The following RPH3A variants were observed in gnomAD, a reference collection of about 807,000 sequenced individuals.
RPH3A encodes rabphilin-3A.
Under a neutral mutation model 102.2 loss-of-function variants are expected in RPH3A, and 48 were observed. The observed-to-expected ratio is 0.47, with a 90% confidence interval of 0.37 to 0.60. The LOEUF (loss-of-function observed/expected upper bound fraction) is 0.60. Ranked by LOEUF, RPH3A falls within the 20% of genes least tolerant of loss-of-function variation. The pLI is 0.00. For missense variants in RPH3A, 781 were observed against 910.1 expected (o/e 0.86, Z 1.83); for synonymous variants, 310 against 324.3 (o/e 0.96, Z 0.47).
At chr12:112,735,296 AC>A (rs1343489326) in intron 1 of RPH3A, among the ~76,000 whole-genome samples, 1 of 152,206 alleles carries the variant, frequency 6.6e-6, no homozygotes, top group Non-Finnish European at 1.5e-5. Flanking sequence ...TTCCACTGGG[AC>A]CCTAAAGCAC....
At position 112,603,362 on chromosome 12, in the gene RPH3A, A is replaced by C. The variant is rs1592902435; in HGVS notation, c.-140+28043A>C. Among the ~76,000 whole-genome samples, 9 of 152,314 alleles carry C rather than the reference A, an allele frequency of 5.9e-5. No individual in the cohort carries two copies. The South Asian group carries it at 1.9e-3, about 32-fold the overall frequency. On this transcript the variant is annotated intron_variant, in intron 1 of 21. Coordinates refer to the RPH3A transcript ENST00000543106. ...CCAAGAGCGAGTTCTTGAATCTAGC[A>C]CAAGAAAGAATTCTGGGTGAGTCCA...
chr12:112,719,688 G>A (rs2040538859), intron 1 of RPH3A, among the ~76,000 whole-genome samples: 2 of 147,546 alleles, frequency 1.4e-5, no homozygotes, highest in Non-Finnish European at 3.0e-5. Context: ...ATACAAGAAT[G>A]GCATGCAATA....
intron 1 of RPH3A, among the ~76,000 whole-genome samples, chr12:112,776,884 A>C (rs1305820351): frequency 0.66 from 55,964 of 84,898 alleles, 20,865 homozygotes; most frequent in Non-Finnish European, 0.72. Context: ...AAAAAAAAAA[A>C]AAAAAAAAAA....
At chr12:112,887,702 A>G in intron 16 of RPH3A, 95 bp from the exon 17 acceptor site, 1 of 1,311,536 alleles carries the variant, frequency 7.6e-7, no homozygotes, top group Non-Finnish European at 1.1e-6. Context: ...CATACATTAC[A>G]CATTCCTTAC....
chr12:112,838,257 G>T (rs914088600), intron 4 of RPH3A, among the ~76,000 whole-genome samples: 3 of 152,234 alleles, frequency 2.0e-5, no homozygotes, highest in African/African-American at 7.2e-5. Context: ...CATCTGCCAA[G>T]CCCAACTGTG....
intron 13 of RPH3A, among the ~76,000 whole-genome samples, chr12:112,877,572 T>C (rs1001467556): frequency 6.6e-6 from 1 of 152,052 alleles, no homozygotes; most frequent in African/African-American, 2.4e-5. Context: ...GTGGGGACAT[T>C]ACCAGTTGTT....
At chr12:112,748,430 C>G (rs1046457644) in intron 1 of RPH3A, among the ~76,000 whole-genome samples, 1 of 152,130 alleles carries the variant, frequency 6.6e-6, no homozygotes, top group Non-Finnish European at 1.5e-5. Flanking sequence ...AACTCATGGA[C>G]TCAAGGGATC....
chr12:112,850,244 T>G (rs2042301778), intron 5 of RPH3A, among the ~76,000 whole-genome samples: 1 of 152,190 alleles, frequency 6.6e-6, no homozygotes, highest in Admixed American at 6.5e-5. Flanking sequence ...AGTGAGTATT[T>G]AATTAGCATG....
chr12:112,811,476 A>T lies in RPH3A; in HGVS notation c.-18-16825A>T, dbSNP rs142703927. Reference sequence around the variant, plus strand: ...GCTTGAGGGCCATTTTTAAACAGCAAAATTACCAACAAAAAGTGCAAAAAT... The same window carrying T: ...GCTTGAGGGCCATTTTTAAACAGCATAATTACCAACAAAAAGTGCAAAAAT... On this transcript the variant is annotated intron_variant, in intron 2 of 21. Transcript: ENST00000389385. Among the ~76,000 whole-genome samples the T allele has an allele frequency of 4.2e-4, 64 of 152,258 alleles. 1 individual carries two copies. Among genetic ancestry groups the T allele is most frequent in the African/African-American group, 1.4e-3 (57 of 41,532 alleles).
chr12:112,738,768 C>A (rs1234200237), intron 1 of RPH3A, among the ~76,000 whole-genome samples: 1 of 152,200 alleles, frequency 6.6e-6, no homozygotes. Flanking sequence ...CCATGCTGAA[C>A]TTGTGCCCAT....
chr12:112,876,703 C>T lies in RPH3A; in HGVS notation c.1008C>T (p.Val336=), dbSNP rs769414173. The T allele has an allele frequency of 3.0e-5, 49 of 1,613,474 alleles. No homozygotes were observed. Among genetic ancestry groups the T allele is most frequent in the African/African-American group, 6.7e-5 (5 of 74,970 alleles). The change falls in exon 13 of 22, where the codon GTC becomes GTT. Residue 336 remains valine, a synonymous_variant. Coordinates refer to ENST00000389385, the MANE Select transcript of RPH3A (RefSeq NM_001143854.2). ...CCCGAGAGGAGAGAACAGGGGGAGT[C>T]GGGGGCTACCCAGCAGTTGGAGCCA... ...APPREERTGG[V]GGYPAVGARE... is the part of the protein sequence containing the mutation.
intron 1 of RPH3A, among the ~76,000 whole-genome samples, chr12:112,677,415 C>CTCCTTCCTTCCTTCCTTCCTTCCT (rs879603208): frequency 3.0e-5 from 1 of 33,242 alleles, no homozygotes; most frequent in Non-Finnish European, 5.6e-5. Context: ...CCCTCCTTCC[C>CTCCTTCCTTCCTTCCTTCCTTCCT]TCCTTCCTTC....
chr12:112,673,563 T>C (rs916376587), intron 1 of RPH3A, among the ~76,000 whole-genome samples: 3 of 151,904 alleles, frequency 2.0e-5, no homozygotes, highest in Non-Finnish European at 1.5e-5. Context: ...CGTGGGTACA[T>C]AGTAGGTGTG....
At chr12:112,679,737 C>T (rs757293391) in intron 1 of RPH3A, among the ~76,000 whole-genome samples, 3 of 152,162 alleles carry the variant, frequency 2.0e-5, no homozygotes, top group Non-Finnish European at 4.4e-5. Context: ...ACTTACCAGA[C>T]TTTTAATGAG....
chr12:112,798,081 A>G lies in RPH3A; in HGVS notation c.-19+5818A>G, dbSNP rs1448968866. On this transcript the variant is annotated intron_variant, in intron 2 of 21. Transcript: ENST00000389385. ...CTGAGGGCCCAGGCTGCTGTATGCA[A>G]TGTCACTGTGGTTTCCTCGAAGTAA... is the stretch of plus-strand genomic sequence containing the variant. Among the ~76,000 whole-genome samples, 3 of 152,214 alleles carry G rather than the reference A, an allele frequency of 2.0e-5. No homozygotes were observed. In the East Asian group the frequency reaches 5.8e-4, roughly 29 times the overall value.
intron 1 of RPH3A, among the ~76,000 whole-genome samples, chr12:112,780,252 G>C (rs2040998523): frequency 6.6e-6 from 1 of 152,102 alleles, no homozygotes; most frequent in South Asian, 2.1e-4. Context: ...TTACATGGAT[G>C]TATTGCATTA....
intron 1 of RPH3A, among the ~76,000 whole-genome samples, chr12:112,685,501 C>G (rs570822384): frequency 1.3e-5 from 2 of 152,308 alleles, no homozygotes; most frequent in South Asian, 4.1e-4. Context: ...TCCAGCCTCA[C>G]AGACCTGCAA....
At chr12:112,675,453 A>G (rs2040168043) in intron 1 of RPH3A, among the ~76,000 whole-genome samples, 1 of 152,196 alleles carries the variant, frequency 6.6e-6, no homozygotes, top group South Asian at 2.1e-4. Context: ...AGACAACCAT[A>G]TAAATATAGA....
At chr12:112,806,294 A>G (rs1190262983) in intron 2 of RPH3A, among the ~76,000 whole-genome samples, 2 of 152,252 alleles carry the variant, frequency 1.3e-5, no homozygotes, top group African/African-American at 4.8e-5. Context: ...CATTGGGAGA[A>G]AAGAGAATGC....
Sources: allele counts gnomAD v4.1 joint callset (sites outside exome capture counted in the v4.1 genomes callset), GRCh38; gene constraint gnomAD v4.1.1; transcripts MANE v1.5; gene names NCBI Gene and HGNC (gene_info 2026-07-23, HGNC 2026-07-21).